The following EDIL3 variants were observed in gnomAD, a reference collection of about 807,000 sequenced individuals.
EDIL3 encodes the protein EGF like and discoidin domains 3, also known as EGF-like repeat and discoidin I-like domain-containing protein 3.
A neutral mutation model predicts 67.4 loss-of-function variants in EDIL3; 37 were observed. The observed-to-expected ratio is 0.55, with a 90% CI of 0.42 to 0.72. The LOEUF (loss-of-function observed/expected upper bound fraction) is 0.72, where lower values mean the gene tolerates loss of function less well. Among genes scored for constraint, EDIL3 ranks in the 30% least tolerant of loss-of-function variants. EDIL3 has a pLI of 0.00. For synonymous variants in EDIL3, 195 were observed against 196.3 expected (o/e 0.99, Z 0.05); for missense variants, 527 against 586.3 (o/e 0.90, Z 1.04).
intron 1 of EDIL3, among the ~76,000 whole-genome samples, chr5:84,279,441 A>G (rs1745652205): frequency 6.6e-6 from 1 of 152,220 alleles, no homozygotes; most frequent in Non-Finnish European, 1.5e-5. Context: ...TTTGGTTTGT[A>G]CACAATAGTA....
intron 4 of EDIL3, among the ~76,000 whole-genome samples, chr5:84,162,844 G>A (rs1430894493): frequency 1.3e-5 from 2 of 152,044 alleles, no homozygotes; most frequent in Non-Finnish European, 2.9e-5. Context: ...TTAGGCCATA[G>A]CCCCTTGTCT....
chr5:84,288,401 G>C (rs560629784), intron 1 of EDIL3, among the ~76,000 whole-genome samples: 1 of 152,036 alleles, frequency 6.6e-6, no homozygotes, highest in Non-Finnish European at 1.5e-5. Flanking sequence ...TGCAGCAAGA[G>C]TGATTTTGTT....
At chr5:84,176,739 G>A (rs943371921) in intron 4 of EDIL3, among the ~76,000 whole-genome samples, 4 of 107,378 alleles carry the variant, frequency 3.7e-5, no homozygotes, top group Non-Finnish European at 7.8e-5. Context: ...ACAGAGGTGT[G>A]TGTATGTGTG....
chr5:84,112,394 G>A (rs1747580025), intron 5 of EDIL3, among the ~76,000 whole-genome samples: 1 of 152,128 alleles, frequency 6.6e-6, no homozygotes, highest in African/African-American at 2.4e-5. Flanking sequence ...GTAGAGGAGG[G>A]AAATGGAGTG....
At chr5:84,025,724 T>C (rs1264308401) in intron 9 of EDIL3, among the ~76,000 whole-genome samples, 1 of 152,102 alleles carries the variant, frequency 6.6e-6, no homozygotes. Context: ...ATAAATTATA[T>C]GAAAGCAATT....
intron 1 of EDIL3, among the ~76,000 whole-genome samples, chr5:84,358,366 T>C (rs1747530042): frequency 6.6e-6 from 1 of 152,196 alleles, no homozygotes; most frequent in Non-Finnish European, 1.5e-5. Context: ...TACACAGAAG[T>C]TGCCCTGAAA....
intron 9 of EDIL3, among the ~76,000 whole-genome samples, chr5:83,998,436 A>C (rs1580271908): frequency 6.6e-6 from 1 of 152,290 alleles, no homozygotes; most frequent in African/African-American, 2.4e-5. Context: ...TATCAGCAGG[A>C]GACAGGCAGT....
chr5:84,138,792 T>C (rs1748137434), intron 4 of EDIL3, among the ~76,000 whole-genome samples: 1 of 152,180 alleles, frequency 6.6e-6, no homozygotes. Context: ...GCAGCCCTTT[T>C]GGTTTCTGGT....
chr5:84,091,217 T>C (rs1260979979), intron 6 of EDIL3, among the ~76,000 whole-genome samples: 1 of 152,148 alleles, frequency 6.6e-6, no homozygotes, highest in Non-Finnish European at 1.5e-5. Flanking sequence ...ACAATTTATT[T>C]AGCTTTCTGT....
intron 1 of EDIL3, among the ~76,000 whole-genome samples, chr5:84,364,676 A>C (rs1369434055): frequency 1.3e-5 from 2 of 152,042 alleles, no homozygotes; most frequent in Non-Finnish European, 2.9e-5. Flanking sequence ...TAATGTTTTA[A>C]ATTATGACTT....
chr5:84,045,335 G>T lies in EDIL3; in HGVS notation c.1137+14965C>A, dbSNP rs1746202833. Among the ~76,000 whole-genome samples the T allele has an allele frequency of 1.3e-5, 2 of 152,162 alleles. 1 individual carries two copies. The highest frequency in any genetic ancestry group is 4.1e-4 in the South Asian group (2 of 4,830). On this transcript the variant is annotated intron_variant, in intron 9 of 10. Transcript: ENST00000296591. ...CAACCAGCAAAGCTCAGGTGGAGAAGAAGTCAGGGGAGGAGAGCAGTAAGA... is the reference window on the plus strand; with the variant it reads ...CAACCAGCAAAGCTCAGGTGGAGAATAAGTCAGGGGAGGAGAGCAGTAAGA...
chr5:84,090,528 C>T (rs1335344183), intron 6 of EDIL3, among the ~76,000 whole-genome samples: 2 of 152,078 alleles, frequency 1.3e-5, no homozygotes, highest in Admixed American at 1.3e-4. Flanking sequence ...CCAAATCTCA[C>T]CTCCTAAATA....
chr5:84,169,782 C>T (rs1484211085), intron 4 of EDIL3, among the ~76,000 whole-genome samples: 1 of 151,764 alleles, frequency 6.6e-6, no homozygotes, highest in Non-Finnish European at 1.5e-5. Context: ...TTTGTTTAAC[C>T]ATTTGCCTGT....
intron 9 of EDIL3, among the ~76,000 whole-genome samples, chr5:83,994,651 GT>G (rs756386916): frequency 6.6e-6 from 1 of 152,082 alleles, no homozygotes; most frequent in Non-Finnish European, 1.5e-5. Context: ...GAGAAACACT[GT>G]TTACCAACAC....
At chr5:84,218,872 C>T (rs1580383014) in intron 3 of EDIL3, among the ~76,000 whole-genome samples, 1 of 152,218 alleles carries the variant, frequency 6.6e-6, no homozygotes, top group South Asian at 2.1e-4. Context: ...TTGTCTTGTG[C>T]CTTCTGTGCC....
intron 6 of EDIL3, among the ~76,000 whole-genome samples, chr5:84,089,610 G>A (rs948963847): frequency 3.9e-5 from 6 of 152,088 alleles, no homozygotes; most frequent in African/African-American, 7.2e-5. Flanking sequence ...TTCAGAACAC[G>A]GACCACTTAC....
At chr5:84,001,914 T>C (rs1390377999) in intron 9 of EDIL3, among the ~76,000 whole-genome samples, 1 of 151,978 alleles carries the variant, frequency 6.6e-6, no homozygotes, top group Non-Finnish European at 1.5e-5. Context: ...CTATGAGGCC[T>C]GTATTACCCA....
intron 9 of EDIL3, among the ~76,000 whole-genome samples, chr5:84,057,401 G>C (rs5000987): frequency 0.3 from 45,870 of 151,774 alleles, 6,992 homozygotes; most frequent in South Asian, 0.35. Flanking sequence ...CTTATGGGGT[G>C]TAAAATAGTT....
chr5:84,283,967 T>C (rs1421145722), intron 1 of EDIL3, among the ~76,000 whole-genome samples: 1 of 152,048 alleles, frequency 6.6e-6, no homozygotes, highest in Non-Finnish European at 1.5e-5. Context: ...CAGAGTTCAA[T>C]CTATCACCAA....
Sources: allele counts gnomAD v4.1 joint callset (sites outside exome capture counted in the v4.1 genomes callset), GRCh38; gene constraint gnomAD v4.1.1; transcripts MANE v1.5; gene names NCBI Gene and HGNC (gene_info 2026-07-23, HGNC 2026-07-21).